The following IFT57 variants were observed in gnomAD, a reference collection of about 807,000 sequenced individuals.
The protein encoded by IFT57 is intraflagellar transport 57, also known as intraflagellar transport protein 57 homolog.
IFT57 carries 59 observed loss-of-function variants against 56.8 expected under a neutral mutation model. That is an observed-to-expected ratio of 1.04 (90% CI 0.84 to 1.29). The LOEUF (loss-of-function observed/expected upper bound fraction) is 1.29, where lower values mean the gene tolerates loss of function less well. IFT57 is among the 50% of genes most tolerant of loss of function. The pLI is 0.00. For missense variants in IFT57, 470 were observed against 522.1 expected, an observed-to-expected ratio of 0.90 and a Z score of 0.97; for synonymous variants, 209 against 186.1, an observed-to-expected ratio of 1.12 and a Z score of -1.00.
intron 7 of IFT57, chr3:108,167,265 C>T (rs2080068305): frequency 3.5e-6 from 1 of 288,404 alleles, no homozygotes; most frequent in Non-Finnish European, 6.5e-6. Flanking sequence ...CATTATATAA[C>T]ATTCACAATC....
intron 8 of IFT57, among the ~76,000 whole-genome samples, chr3:108,166,220 C>A (rs1431322668): frequency 1.3e-5 from 2 of 152,020 alleles, no homozygotes; most frequent in Non-Finnish European, 2.9e-5. Flanking sequence ...TTGCAACTGT[C>A]CTTACTAGCC....
chr3:108,190,862 G>A (rs1465596142), intron 6 of IFT57, among the ~76,000 whole-genome samples: 3 of 152,050 alleles, frequency 2.0e-5, no homozygotes, highest in African/African-American at 7.3e-5. Flanking sequence ...GTGCAGTCTT[G>A]GCTCACTGCA....
chr3:108,184,339 C>T (rs574943961), intron 6 of IFT57, among the ~76,000 whole-genome samples: 8 of 152,088 alleles, frequency 5.3e-5, no homozygotes, highest in South Asian at 2.1e-4. Context: ...CACTTATATG[C>T]GGATTTTTTT....
intron 6 of IFT57, among the ~76,000 whole-genome samples, chr3:108,177,216 T>C (rs937485039): frequency 2.6e-5 from 4 of 151,830 alleles, no homozygotes; most frequent in East Asian, 1.9e-4. Flanking sequence ...GATAAACATA[T>C]GTAATTATCA....
At position 108,222,337 on chromosome 3, in the gene IFT57, A is replaced by G; in HGVS notation, c.-15T>C. The G allele has an allele frequency of 6.3e-7, 1 of 1,596,446 alleles. No individual in the cohort carries two copies. The highest frequency in any genetic ancestry group is 8.5e-7 in the Non-Finnish European group (1 of 1,170,578). The stretch of plus-strand genomic sequence containing the variant: ...GCAGCAGTCATCGCAGAACGGACAG[A>G]GTCCAGCGTGGGCTCAGGCCCACAG... On this transcript the variant is annotated 5_prime_UTR_variant, in exon 1 of 11. Transcript: ENST00000264538.
intron 5 of IFT57, 119 bp from the exon 6 acceptor site, chr3:108,191,762 G>A: frequency 1.9e-6 from 1 of 526,116 alleles, no homozygotes; most frequent in South Asian, 6.3e-5. Context: ...AAATTATAGT[G>A]GAAGAAGAAA....
Position 108,191,587 on chromosome 3 carries a change from T to C in IFT57, c.711A>G (p.Ala237=). 1 of 1,610,154 alleles carries C rather than the reference T, an allele frequency of 6.2e-7. No individual in the cohort carries two copies. Among genetic ancestry groups the C allele is most frequent in the East Asian group, 2.2e-5 (1 of 44,820 alleles). The part of the protein sequence containing the change: ...EDILESTTDA[A]EWSLEVERVL... ...CACGTTCCACTTCTAGGCTCCATTC[T>C]GCAGCATCTGTTGTGGATTCCAAAA... is the stretch of plus-strand genomic sequence containing the variant. Residue 237 remains alanine (A), a synonymous_variant, in exon 6 of 11, where the codon GCA becomes GCG. Coordinates refer to ENST00000264538, the MANE Select transcript of IFT57 (RefSeq NM_018010.4).
chr3:108,221,902 T>C (rs974844480), intron 1 of IFT57: 4 of 1,031,610 alleles, frequency 3.9e-6, no homozygotes, highest in East Asian at 2.8e-5. Flanking sequence ...CCAAAACTTA[T>C]TTATTCTCTC....
rs1467416432 is a variant in IFT57 at position 108,165,513 on chromosome 3, GT to G, written c.982-21del. 5 of 1,600,400 alleles carry G rather than the reference GT, an allele frequency of 3.1e-6. No homozygotes were observed. The highest frequency in any genetic ancestry group is 4.3e-6 in the Non-Finnish European group (5 of 1,168,092). ...CTTTGCCTGAGAGGAAAAACATTTT[GT>G]TTAATGGCAAATTCAAAGCAGCAGC... On this transcript the variant is annotated intron_variant, in intron 8 of 10. Transcript: ENST00000264538.
At position 108,222,111 on chromosome 3, in the gene IFT57, C is replaced by A; in HGVS notation, c.212G>T (p.Arg71Ile). The change falls in exon 1 of 11, where the codon AGA becomes ATA. Residue 71 changes from arginine to isoleucine, a missense_variant and splice_region_variant. Arg to Ile is a moderately conservative substitution (Grantham distance 97). Transcript: ENST00000264538. ...LRKSNLKAPS[R>I]HYFALPTNPG... ...GGCGCTCGGGGACGCCGGCACCCACCTGGACGGGGCCTTCAGGTTGCTCTT... is the reference window on the plus strand; with the variant it reads ...GGCGCTCGGGGACGCCGGCACCCACATGGACGGGGCCTTCAGGTTGCTCTT... 4 of 1,597,252 alleles carry A rather than the reference C, an allele frequency of 2.5e-6. No individual in the cohort carries two copies. The highest frequency in any genetic ancestry group is 3.4e-6 in the Non-Finnish European group (4 of 1,172,022).
At chr3:108,183,117 C>T (rs765091658) in intron 6 of IFT57, among the ~76,000 whole-genome samples, 2 of 151,860 alleles carry the variant, frequency 1.3e-5, no homozygotes, top group Non-Finnish European at 2.9e-5. Context: ...TCTGCTCTTC[C>T]TTATTTCTAG....
chr3:108,192,369 T>C (rs1223952203), intron 5 of IFT57, among the ~76,000 whole-genome samples: 4 of 152,104 alleles, frequency 2.6e-5, no homozygotes, highest in Non-Finnish European at 5.9e-5. Flanking sequence ...AATATAGACA[T>C]ACTTGAACTC....
chr3:108,177,361 G>A (rs540641539), intron 6 of IFT57, among the ~76,000 whole-genome samples: 1 of 151,798 alleles, frequency 6.6e-6, no homozygotes, highest in Admixed American at 6.6e-5. Context: ...CTTGTTTTAT[G>A]AGACCTGCAT....
rs2080215469 is a variant in IFT57 at position 108,191,605 on chromosome 3, T to C, written c.693A>G (p.Glu231=). Residue 231 remains glutamate (E), a synonymous_variant, in exon 6 of 11, where the codon GAA becomes GAG. Coordinates refer to ENST00000264538, the MANE Select transcript of IFT57 (RefSeq NM_018010.4). ...NETAKQEDIL[E]STTDAAEWSL... is the part of the protein sequence containing the mutation. ...TCCATTCTGCAGCATCTGTTGTGGA[T>C]TCCAAAATATCTTCTTGTTTGGCAG... 1.2e-6 allele frequency: 2 copies of C among 1,609,734 alleles called. No homozygotes were observed. Among genetic ancestry groups the C allele is most frequent in the Admixed American group, 3.3e-5 (2 of 59,702 alleles).
At chr3:108,176,078 T>G (rs1021910699) in intron 6 of IFT57, among the ~76,000 whole-genome samples, 3 of 152,020 alleles carry the variant, frequency 2.0e-5, no homozygotes, top group South Asian at 2.1e-4. Context: ...TGACATTGAC[T>G]CTACCCTTCT....
chr3:108,164,156 T>C (rs1376133620), intron 9 of IFT57, among the ~76,000 whole-genome samples: 1 of 152,060 alleles, frequency 6.6e-6, no homozygotes, highest in East Asian at 1.9e-4. Flanking sequence ...TATAGTTCTA[T>C]AAGACATTAT....
chr3:108,175,795 CCTT>C (rs2080120717), intron 6 of IFT57, among the ~76,000 whole-genome samples: 1 of 140,474 alleles, frequency 7.1e-6, no homozygotes, highest in African/African-American at 2.5e-5. Context: ...AAATACCAAA[CCTT>C]CTTTAAAAAA....
At chr3:108,212,059 T>C (rs962135455) in intron 4 of IFT57, among the ~76,000 whole-genome samples, 3 of 152,144 alleles carry the variant, frequency 2.0e-5, no homozygotes, top group African/African-American at 7.2e-5. Flanking sequence ...CACAGCTTAC[T>C]GCACTTTCAA....
At chr3:108,185,868 C>G (rs1314047975) in intron 6 of IFT57, among the ~76,000 whole-genome samples, 1 of 152,062 alleles carries the variant, frequency 6.6e-6, no homozygotes, top group African/African-American at 2.4e-5. Context: ...CTTTTCTGGA[C>G]TGGTTCCATC....
Sources: gnomAD v4.1 joint callset for allele counts (sites outside exome capture counted in the v4.1 genomes callset) on GRCh38, gnomAD v4.1.1 for gene constraint, MANE v1.5 for transcripts, NCBI Gene and HGNC (gene_info 2026-07-23, HGNC 2026-07-21) for gene names.